The following CLK3 variants were observed in gnomAD, a reference collection of about 807,000 sequenced individuals.
CLK3 encodes CDC like kinase 3, also known as dual specificity protein kinase CLK3.
Under a neutral mutation model 65.2 loss-of-function variants are expected in CLK3, and 24 were observed. The observed-to-expected ratio is 0.37, with a 90% CI of 0.27 to 0.52. The LOEUF (loss-of-function observed/expected upper bound fraction) is 0.52, where lower values mean the gene tolerates loss of function less well. CLK3 is among the 20% of genes least tolerant of loss of function. CLK3 has a pLI of 0.92. For missense variants in CLK3, 506 were observed against 660.0 expected, an observed-to-expected ratio of 0.77 and a Z score of 2.56; for synonymous variants, 252 against 240.8, an observed-to-expected ratio of 1.05 and a Z score of -0.43.
chr15:74,614,625 A>G (rs2062031943), upstream of CLK3, among the ~76,000 whole-genome samples: 1 of 152,198 alleles, frequency 6.6e-6, no homozygotes, highest in Admixed American at 6.5e-5. Context: ...TTTCAGGGAG[A>G]GCCGCTGGCG....
At chr15:74,626,975 T>G (rs2062147642) in intron 7 of CLK3, 1 of 462,314 alleles carries the variant, frequency 2.2e-6, no homozygotes, top group African/African-American at 2.0e-5. Flanking sequence ...GACCTGCATT[T>G]TCATTTTGCA....
upstream of CLK3, chr15:74,613,581 C>T (rs1018922464): frequency 2.0e-5 from 3 of 151,840 alleles, no homozygotes; most frequent in African/African-American, 4.8e-5. Context: ...AGAGTTGCTT[C>T]GTGGCTGGGA....
intron 3 of CLK3, 28 bp downstream of exon 3, chr15:74,620,253 G>A (rs763294328): frequency 6.2e-7 from 1 of 1,612,070 alleles, no homozygotes; most frequent in South Asian, 1.1e-5. Context: ...TGTGCTGGCT[G>A]GGGCTTAAAG....
upstream of CLK3, among the ~76,000 whole-genome samples, chr15:74,611,969 C>T: frequency 6.6e-6 from 1 of 152,264 alleles, no homozygotes; most frequent in South Asian, 2.1e-4. Flanking sequence ...CTTCACTAAA[C>T]ACCAGCCTCA....
Position 74,627,476 on chromosome 15 carries a change from T to C in CLK3, c.912+30T>C, listed in dbSNP as rs748761128. On this transcript the variant is annotated intron_variant, in intron 8 of 12. Coordinates refer to ENST00000395066, the MANE Select transcript of CLK3 (RefSeq NM_001130028.2). The surrounding 1 kb of genome is among the most constrained non-coding windows in gnomAD (Gnocchi z 4.3). ...TGGTGGGGGTAAGGGTGAGGCCCTG[T>C]TTCAGGGGTGGGTTACCCGCTGGTG... is the stretch of plus-strand genomic sequence containing the variant. 39 of 1,614,168 alleles carry C rather than the reference T, an allele frequency of 2.4e-5. No individual in the cohort carries two copies. The highest frequency in any genetic ancestry group is 3.2e-5 in the Non-Finnish European group (38 of 1,179,984).
At chr15:74,619,169 G>T in intron 1 of CLK3, 28 bp from the exon 2 acceptor site, 2 of 1,611,926 alleles carry the variant, frequency 1.2e-6, no homozygotes, top group Non-Finnish European at 1.7e-6. Flanking sequence ...TGTGTGTTTA[G>T]CAGGGCTCTC....
chr15:74,630,127 ACCAGTGTGT>A lies in CLK3; in HGVS notation c.*248_*256del. ...TTTCTTACTGTTTGTAACCCCTGGT[ACCAGTGTGT>A]CCATCTCCAGGCTCCTTGCCTTCCC... On this transcript the variant is annotated 3_prime_UTR_variant, in exon 13 of 13. Transcript: ENST00000395066. 1 of 462,246 alleles carries A rather than the reference ACCAGTGTGT, an allele frequency of 2.2e-6. No individual in the cohort carries two copies. The highest frequency in any genetic ancestry group is 3.9e-5 in the South Asian group (1 of 25,350). The allele number at this position is 462,246 out of a possible 1,614,324, so 28.6% of individuals were successfully genotyped here.
At chr15:74,618,982 T>G in intron 1 of CLK3, 1 of 530,246 alleles carries the variant, frequency 1.9e-6, no homozygotes, top group African/African-American at 1.9e-5. Context: ...CTGGGAGCTG[T>G]TTGTTTGTTC....
chr15:74,628,919 G>T (rs781526702), intron 11 of CLK3, 23 bp from the exon 12 acceptor site: 1 of 1,555,444 alleles, frequency 6.4e-7, no homozygotes, highest in Non-Finnish European at 8.9e-7. Flanking sequence ...TCCCACACTT[G>T]ACTCCACCCC....
chr15:74,628,724 C>T, intron 11 of CLK3, 41 bp downstream of exon 11: 1 of 1,513,780 alleles, frequency 6.6e-7, no homozygotes, highest in Non-Finnish European at 9.1e-7. Context: ...GTATAGAGGC[C>T]TTTCTCTTCT....
At chr15:74,613,714 G>A (rs577937842), upstream of CLK3, among the ~76,000 whole-genome samples, 2 of 152,186 alleles carry the variant, frequency 1.3e-5, no homozygotes, top group African/African-American at 2.4e-5. Flanking sequence ...CATCCATCCC[G>A]GGGACAGAAG....
chr15:74,619,131 A>G (rs766734767), intron 1 of CLK3, 66 bp from the exon 2 acceptor site: 121 of 1,590,156 alleles, frequency 7.6e-5, no homozygotes, highest in Non-Finnish European at 1.0e-4. Flanking sequence ...GGGAAGCCCC[A>G]GCAGCCCCAT....
In CLK3 at chr15:74,619,242, C is replaced by T; in HGVS notation, c.46C>T (p.Leu16=). 1 of 1,614,212 alleles carries T rather than the reference C, an allele frequency of 6.2e-7. No individual in the cohort carries two copies. The highest frequency in any genetic ancestry group is 2.2e-5 in the East Asian group (1 of 44,892). Residue 16 remains leucine, a synonymous_variant, in exon 2 of 13, where the codon CTG becomes TTG. Coordinates refer to ENST00000395066, the MANE Select transcript of CLK3 (RefSeq NM_001130028.2). ...RYRSPEPDPY[L]SYRWKRRRSY... The stretch of plus-strand genomic sequence containing the variant: ...CCGCTCCCCTGAACCAGACCCGTAC[C>T]TGAGCTACCGATGGAAGAGGAGGAG...
rs1418890612 is a variant in CLK3, at chr15:74,629,051, C to G, written c.1296+19C>G. On this transcript the variant is annotated intron_variant, in intron 12 of 12. Coordinates refer to ENST00000395066, the MANE Select transcript of CLK3 (RefSeq NM_001130028.2). ...TCTGAAGGTCAGTTTCTGGCTACCCCCAGCTGAACTCATGCCAAGGAGAGA... is the reference window on the plus strand; with the variant it reads ...TCTGAAGGTCAGTTTCTGGCTACCCGCAGCTGAACTCATGCCAAGGAGAGA... 1.9e-6 allele frequency: 3 copies of G among 1,578,730 alleles called. No individual in the cohort carries two copies. Among genetic ancestry groups the G allele is most frequent in the South Asian group, 1.1e-5 (1 of 90,400 alleles).
chr15:74,629,373 G>A (rs567053948), intron 12 of CLK3: 6 of 529,386 alleles, frequency 1.1e-5, no homozygotes, highest in South Asian at 1.0e-4. Context: ...GGAAGACCTA[G>A]ACATGGCCAG....
chr15:74,619,825 A>G, intron 2 of CLK3, 184 bp from the exon 3 acceptor site: 1 of 882,946 alleles, frequency 1.1e-6, no homozygotes, highest in Non-Finnish European at 1.7e-6. Flanking sequence ...CTGTCGTTGG[A>G]CAGGGCTCTG....
chr15:74,629,103 A>G, intron 12 of CLK3, 71 bp downstream of exon 12: 1 of 1,177,134 alleles, frequency 8.5e-7, no homozygotes. Flanking sequence ...GACATACAGC[A>G]GAGACAGGCC....
At position 74,615,862 on chromosome 15, in the gene CLK3, G is replaced by A. The variant is rs767471684; in HGVS notation, c.-37G>A. 8.0e-7 allele frequency: 1 copy of A among 1,256,246 alleles called. No homozygotes were observed. Among genetic ancestry groups the A allele is most frequent in the Non-Finnish European group, 1.0e-6 (1 of 1,000,362 alleles). The allele number at this position is 1,256,246 out of a possible 1,614,324, so 77.8% of individuals were successfully genotyped here. On this transcript the variant is annotated 5_prime_UTR_variant, in exon 1 of 13. Coordinates refer to ENST00000395066, the MANE Select transcript of CLK3 (RefSeq NM_001130028.2). ...GAAGCGGAAGAGGCGCTCGGAGCGGGGAGTGGGGCCTAGCTGCAGCCGGAG... is the reference window on the plus strand; with the variant it reads ...GAAGCGGAAGAGGCGCTCGGAGCGGAGAGTGGGGCCTAGCTGCAGCCGGAG...
intron 1 of CLK3, among the ~76,000 whole-genome samples, chr15:74,616,743 C>T (rs1023047985): frequency 6.6e-6 from 1 of 152,188 alleles, no homozygotes; most frequent in African/African-American, 2.4e-5. Flanking sequence ...CAAAAATAAC[C>T]ATGGGTGCTG....
Sources: gnomAD v4.1 joint callset for allele counts (sites outside exome capture counted in the v4.1 genomes callset) on GRCh38, gnomAD v4.1.1 for gene constraint, Gnocchi (gnomAD v3.1) non-coding constraint, MANE v1.5 for transcripts, NCBI Gene and HGNC (gene_info 2026-07-23, HGNC 2026-07-21) for gene names.